Variants in RAF1 observed in about 807,000 individuals in gnomAD.
RAF1 encodes RAF proto-oncogene serine/threonine-protein kinase.
Under a neutral mutation model 81.1 loss-of-function variants are expected in RAF1, and 27 were observed. The ratio of observed to expected loss-of-function variants is 0.33; its 90% confidence interval spans 0.25 to 0.46. The LOEUF is 0.46. Ranked by LOEUF, RAF1 falls within the 20% of genes least tolerant of loss-of-function variation. The probability of loss-of-function intolerance (pLI) is 1.00; values close to 1 mark genes in which losing one functional copy is unlikely to be tolerated. For synonymous variants in RAF1, 298 were observed against 294.0 expected (o/e 1.01, Z -0.14); for missense variants, 598 against 826.0 (o/e 0.72, Z 3.38).
At chr3:12,655,000 A>ACC (rs35380724) in intron 1 of RAF1, among the ~76,000 whole-genome samples, 36,839 of 124,546 alleles carry the variant, frequency 0.3, 5,578 homozygotes, top group East Asian at 0.52. Context: ...ACATAGTGAG[A>ACC]CCCCCCCCCC....
intron 2 of RAF1, among the ~76,000 whole-genome samples, chr3:12,618,200 T>C (rs1344523722): frequency 6.6e-6 from 1 of 152,086 alleles, no homozygotes; most frequent in Non-Finnish European, 1.5e-5. Flanking sequence ...CTAAAATAAG[T>C]AGTTGGAAAG....
At chr3:12,612,814 T>C (rs763881702) in intron 2 of RAF1, among the ~76,000 whole-genome samples, 6 of 152,212 alleles carry the variant, frequency 3.9e-5, no homozygotes, top group Non-Finnish European at 8.8e-5. Flanking sequence ...TTTGTGTGAT[T>C]AGAATGTATA....
chr3:12,593,288 C>A (rs1235689456), intron 11 of RAF1, among the ~76,000 whole-genome samples: 1 of 151,876 alleles, frequency 6.6e-6, no homozygotes, highest in Admixed American at 6.6e-5. Flanking sequence ...ACCATGTTGC[C>A]CAGGCTGGTC....
chr3:12,586,382 G>A (rs2058332993), intron 14 of RAF1, among the ~76,000 whole-genome samples: 1 of 152,020 alleles, frequency 6.6e-6, no homozygotes, highest in Non-Finnish European at 1.5e-5. Flanking sequence ...AAGTCATACA[G>A]TTTAAGTCAA....
intron 1 of RAF1, among the ~76,000 whole-genome samples, chr3:12,643,067 T>C (rs558330782): frequency 6.6e-6 from 1 of 152,202 alleles, no homozygotes; most frequent in African/African-American, 2.4e-5. Flanking sequence ...GTAAGATCCA[T>C]TATCTTTTAA....
chr3:12,645,097 CAAAAAAA>C (rs11401342), intron 1 of RAF1, among the ~76,000 whole-genome samples: 8 of 65,060 alleles, frequency 1.2e-4, no homozygotes, highest in Non-Finnish European at 2.3e-4. Flanking sequence ...GACTCAGTCT[CAAAAAAA>C]AAAAAAAAAA....
chr3:12,585,020 T>C (rs1559399253), intron 16 of RAF1, 39 bp from the exon 16 acceptor site: 10 of 1,613,674 alleles, frequency 6.2e-6, no homozygotes, highest in Non-Finnish European at 8.5e-6. Context: ...GGGGGGTGAA[T>C]GAACAACAGA....
intron 1 of RAF1, among the ~76,000 whole-genome samples, chr3:12,662,238 G>T (rs187453844): frequency 6.7e-6 from 1 of 150,300 alleles, no homozygotes; most frequent in East Asian, 1.9e-4. Context: ...AGGAGGCAAA[G>T]GCAGGAGAAC....
At chr3:12,635,363 G>T (rs1250017905) in intron 1 of RAF1, among the ~76,000 whole-genome samples, 2 of 137,654 alleles carry the variant, frequency 1.5e-5, no homozygotes, top group South Asian at 4.7e-4. Context: ...AAGGCCAGGG[G>T]CCATGGCTCA....
chr3:12,643,255 A>G (rs995209423), intron 1 of RAF1, among the ~76,000 whole-genome samples: 6 of 152,178 alleles, frequency 3.9e-5, no homozygotes, highest in Admixed American at 3.9e-4. Flanking sequence ...CTGTATTTCC[A>G]GAGAGCTTGC....
At position 12,585,181 on chromosome 3, in the gene RAF1, C is replaced by T. The variant is rs751232720; in HGVS notation, c.1669G>A (p.Val557Ile). ...TCCCCCGTCATCAGTTCATACAATA[C>T]GATGCCATAGGAGTAGACATCCGAC... The change falls in exon 16 of 18, where the codon GTA becomes ATA. Residue 557 changes from valine (V) to isoleucine (I), a missense_variant. Val to Ile is a conservative substitution (Grantham distance 29). Coordinates refer to ENST00000442415, the MANE Select transcript of RAF1 (RefSeq NM_001354689.3). 4.3e-6 allele frequency: 7 copies of T among 1,613,990 alleles called. No homozygotes were observed. In the South Asian group the frequency reaches 4.4e-5, roughly 10 times the overall value.
At chr3:12,628,554 G>C (rs1230490617) in intron 1 of RAF1, among the ~76,000 whole-genome samples, 2 of 151,778 alleles carry the variant, frequency 1.3e-5, no homozygotes, top group Non-Finnish European at 2.9e-5. Context: ...AACTCTACTA[G>C]TTTTCATGTA....
At chr3:12,634,299 A>AC (rs1350335998) in intron 1 of RAF1, among the ~76,000 whole-genome samples, 1 of 149,324 alleles carries the variant, frequency 6.7e-6, no homozygotes, top group East Asian at 2.0e-4. Context: ...AGCACACACT[A>AC]CCACGCCTGG....
intron 1 of RAF1, among the ~76,000 whole-genome samples, chr3:12,636,813 A>G (rs2060046810): frequency 6.6e-6 from 1 of 152,144 alleles, no homozygotes; most frequent in Admixed American, 6.6e-5. Context: ...TCTCAAAAAA[A>G]AAAGAAAGAA....
chr3:12,594,339 G>C (rs1485754387), intron 11 of RAF1, among the ~76,000 whole-genome samples: 1 of 152,222 alleles, frequency 6.6e-6, no homozygotes, highest in Non-Finnish European at 1.5e-5. Flanking sequence ...GAGGGGACAG[G>C]ACAGGGCTAG....
chr3:12,631,884 G>T (rs1015585914), intron 1 of RAF1, among the ~76,000 whole-genome samples: 3 of 152,076 alleles, frequency 2.0e-5, no homozygotes, highest in African/African-American at 7.2e-5. Context: ...GTTCAAAATT[G>T]ACCTTTTTCT....
At chr3:12,643,633 T>C (rs1373871571) in intron 1 of RAF1, among the ~76,000 whole-genome samples, 1 of 151,494 alleles carries the variant, frequency 6.6e-6, no homozygotes, top group Non-Finnish European at 1.5e-5. Context: ...CTACTAGGGA[T>C]GCTGAGGCAG....
chr3:12,598,559 C>T (rs898974307), intron 11 of RAF1, among the ~76,000 whole-genome samples: 1 of 151,600 alleles, frequency 6.6e-6, no homozygotes, highest in African/African-American at 2.4e-5. Context: ...ATAGTGAGAC[C>T]TTGTCTCTAC....
Position 12,600,233 on chromosome 3 carries a change from T to C in RAF1, c.969A>G (p.Thr323=), listed in dbSNP as rs5746219. ...CGGGGGTTTTCGGCTGTGACCAGCCTGTTGGGCTCAGATTGTTGGGGCTAC... is the reference window on the plus strand; with the variant it reads ...CGGGGGTTTTCGGCTGTGACCAGCCCGTTGGGCTCAGATTGTTGGGGCTAC... The change falls in exon 10 of 18, where the codon ACA becomes ACG. Residue 323 remains threonine, a synonymous_variant. Coordinates refer to ENST00000442415, the MANE Select transcript of RAF1 (RefSeq NM_001354689.3). 7 of 1,614,102 alleles carry C rather than the reference T, an allele frequency of 4.3e-6. No homozygotes were observed. The highest frequency in any genetic ancestry group is 5.9e-6 in the Non-Finnish European group (7 of 1,180,052).
Sources: allele counts gnomAD v4.1 joint callset (sites outside exome capture counted in the v4.1 genomes callset), GRCh38; gene constraint gnomAD v4.1.1; transcripts MANE v1.5; gene names NCBI Gene and HGNC (gene_info 2026-07-23, HGNC 2026-07-21).